PCDHA9: variants seen among roughly 807,000 people sequenced by gnomAD.
PCDHA9 encodes protocadherin alpha 9.
PCDHA9 carries 62 observed loss-of-function variants against 62.0 expected under a neutral mutation model. The observed-to-expected ratio is 1.00, with a 90% CI of 0.81 to 1.23. The LOEUF is 1.23. Among genes scored for constraint, PCDHA9 ranks in the 50% most tolerant of loss-of-function variants. PCDHA9 has a pLI of 0.00. For synonymous variants in PCDHA9, 557 were observed against 567.6 expected, an observed-to-expected ratio of 0.98 and a Z score of 0.27; for missense variants, 1,205 against 1,249.8, an observed-to-expected ratio of 0.96 and a Z score of 0.54.
Position 140,956,487 on chromosome 5 carries a change from C to G in PCDHA9, c.2395-22462C>G, listed in dbSNP as rs2095287981. The stretch of plus-strand genomic sequence containing the variant: ...GCATATGTTGAACCAGTCTTGCATC[C>G]CAGGGATGAAGCCTACTTGATCATG... On this transcript the variant is annotated intron_variant, in intron 1 of 3. Transcript: ENST00000532602. Among the ~76,000 whole-genome samples, 2 of 152,032 alleles carry G rather than the reference C, an allele frequency of 1.3e-5. 1 individual carries two copies. Among genetic ancestry groups the G allele is most frequent in the Admixed American group, 1.3e-4 (2 of 15,252 alleles).
intron 1 of PCDHA9, among the ~76,000 whole-genome samples, chr5:140,937,724 AAC>A (rs2091708035): frequency 6.6e-6 from 1 of 152,064 alleles, no homozygotes; most frequent in Non-Finnish European, 1.5e-5. Flanking sequence ...CATCCTGGCT[AAC>A]ACGGTGAAAC....
chr5:140,868,956 C>T (rs2050758654), intron 1 of PCDHA9: 9 of 1,367,630 alleles, frequency 6.6e-6, no homozygotes, highest in Non-Finnish European at 7.9e-6. Flanking sequence ...GAGGCACTCC[C>T]ATACAAAGGA....
At chr5:140,899,175 C>G (rs1219166721) in intron 1 of PCDHA9, among the ~76,000 whole-genome samples, 2 of 152,034 alleles carry the variant, frequency 1.3e-5, no homozygotes, top group African/African-American at 4.8e-5. Flanking sequence ...AATTGAATAC[C>G]CTTTATTTCC....
intron 1 of PCDHA9, chr5:140,928,272 TG>T (rs781906023): frequency 6.2e-7 from 1 of 1,614,156 alleles, no homozygotes; most frequent in Non-Finnish European, 8.5e-7. Context: ...ACAATGGCCC[TG>T]GGGCCTCTCT....
intron 1 of PCDHA9, among the ~76,000 whole-genome samples, chr5:140,893,186 T>C (rs2063863300): frequency 6.6e-6 from 1 of 152,230 alleles, no homozygotes; most frequent in Admixed American, 6.5e-5. Context: ...GTAGCTATTG[T>C]GAATAGTGCT....
intron 1 of PCDHA9, among the ~76,000 whole-genome samples, chr5:140,978,590 A>G (rs192815977): frequency 2.0e-4 from 31 of 152,334 alleles, no homozygotes; most frequent in African/African-American, 7.5e-4. Context: ...TGTTCCCTTA[A>G]TGGGGCACTT....
chr5:140,956,194 A>G (rs1370463281), intron 1 of PCDHA9, among the ~76,000 whole-genome samples: 1 of 152,060 alleles, frequency 6.6e-6, no homozygotes, highest in Non-Finnish European at 1.5e-5. Flanking sequence ...GCTGAATAGG[A>G]GTGGTGAAAG....
chr5:140,961,028 C>T (rs889602727), intron 1 of PCDHA9, among the ~76,000 whole-genome samples: 2 of 152,146 alleles, frequency 1.3e-5, no homozygotes, highest in African/African-American at 4.8e-5. Context: ...TTGCTACCTC[C>T]TTGTTTTGAG....
intron 1 of PCDHA9, among the ~76,000 whole-genome samples, chr5:140,945,624 C>T (rs1248945489): frequency 6.6e-6 from 1 of 152,028 alleles, no homozygotes; most frequent in African/African-American, 2.4e-5. Flanking sequence ...ATGGTACTGG[C>T]ATAAAAGACA....
chr5:141,000,423 T>C (rs470406), intron 3 of PCDHA9, among the ~76,000 whole-genome samples: 6 of 66,864 alleles, frequency 9.0e-5, no homozygotes, highest in Non-Finnish European at 1.8e-4. Context: ...ATATATATAT[T>C]TTTTTTTTTT....
chr5:140,913,138 T>C (rs1367874502), intron 1 of PCDHA9, among the ~76,000 whole-genome samples: 1 of 152,204 alleles, frequency 6.6e-6, no homozygotes, highest in East Asian at 1.9e-4. Flanking sequence ...CTCTACTTTT[T>C]GGAATAGTTT....
At chr5:140,866,752 C>G (rs928654608) in intron 1 of PCDHA9, 1 of 152,140 alleles carries the variant, frequency 6.6e-6, no homozygotes, top group Non-Finnish European at 1.5e-5. Context: ...ATATGACTAA[C>G]AGGACATACA....
chr5:140,862,647 C>T (rs2047469341), intron 1 of PCDHA9: 12 of 541,942 alleles, frequency 2.2e-5, no homozygotes, highest in South Asian at 1.7e-4. Context: ...TCACAGTGTC[C>T]GCGCGGGACC....
intron 1 of PCDHA9, among the ~76,000 whole-genome samples, chr5:140,941,409 C>T (rs1284702446): frequency 2.7e-5 from 4 of 149,924 alleles, no homozygotes; most frequent in Admixed American, 1.3e-4. Flanking sequence ...CTCCGCCTCC[C>T]GGGTTCAAGC....
chr5:140,851,794 T>A, intron 1 of PCDHA9: 1 of 954,488 alleles, frequency 1.0e-6, no homozygotes, highest in Non-Finnish European at 1.3e-6. Flanking sequence ...ATTCACTTGT[T>A]CTGTCAGTAA....
chr5:140,953,913 G>A (rs2094950683), intron 1 of PCDHA9, among the ~76,000 whole-genome samples: 1 of 152,104 alleles, frequency 6.6e-6, no homozygotes, highest in African/African-American at 2.4e-5. Flanking sequence ...CATCCATTAG[G>A]TATTCTTCCT....
At chr5:140,951,071 C>T (rs246044) in intron 1 of PCDHA9, among the ~76,000 whole-genome samples, 86,232 of 151,532 alleles carry the variant, frequency 0.57, 25,208 homozygotes, top group African/African-American at 0.71. Flanking sequence ...CATTGGCTTT[C>T]TTATATTTTC....
chr5:140,850,784 TAAG>T lies in PCDHA9; in HGVS notation c.2290_2292del (p.Lys764del). On this transcript the variant is annotated inframe_deletion, in exon 1 of 4. Transcript: ENST00000532602. ...GGCAGAGGGTGTGCTCTGGCGAGGG[TAAG>T]CAGAAGACCGACCTCATGGCCTTCA... is the stretch of plus-strand genomic sequence containing the variant. 1 of 1,597,982 alleles carries T rather than the reference TAAG, an allele frequency of 6.3e-7. No individual in the cohort carries two copies. Among genetic ancestry groups the T allele is most frequent in the Non-Finnish European group, 8.6e-7 (1 of 1,167,622 alleles).
chr5:141,008,800 A>G (rs949324548), intron 3 of PCDHA9, among the ~76,000 whole-genome samples: 8 of 152,222 alleles, frequency 5.3e-5, no homozygotes, highest in Non-Finnish European at 1.2e-4. Flanking sequence ...TTATCTAAAC[A>G]AATAGGCTCA....
Sources: allele counts gnomAD v4.1 joint callset (sites outside exome capture counted in the v4.1 genomes callset), GRCh38; gene constraint gnomAD v4.1.1; transcripts MANE v1.5; gene names NCBI Gene and HGNC (gene_info 2026-07-23, HGNC 2026-07-21).